TNNI3K: variants seen among roughly 807,000 people sequenced by gnomAD.
TNNI3K encodes serine/threonine-protein kinase TNNI3K.
Under a neutral mutation model 114.5 loss-of-function variants are expected in TNNI3K, and 140 were observed. The ratio of observed to expected loss-of-function variants is 1.22; its 90% CI spans 1.07 to 1.41. TNNI3K has a LOEUF of 1.41. Among genes scored for constraint, TNNI3K ranks in the 40% most tolerant of loss-of-function variants. The pLI, the probability that TNNI3K is intolerant of heterozygous loss-of-function variation, is 0.00. For synonymous variants in TNNI3K, 347 were observed against 347.5 expected (o/e 1.00, Z 0.02); for missense variants, 1,125 against 1,007.6 (o/e 1.12, Z -1.58).
chr1:74,264,578 T>G (rs1426726839), intron 4 of TNNI3K, among the ~76,000 whole-genome samples: 2 of 152,064 alleles, frequency 1.3e-5, no homozygotes, highest in Non-Finnish European at 2.9e-5. Context: ...TTTAAAAACT[T>G]TTATTTATAT....
In TNNI3K at chr1:74,345,058, T is replaced by C. The variant is rs145272765; in HGVS notation, c.932+1879T>C. On this transcript the variant is annotated intron_variant, in intron 9 of 24. Transcript: ENST00000326637. ...GTATATATGTGCATGTATGTATGCATGTATATATGTGTGTACACATGCACA... is the reference window on the plus strand; with the variant it reads ...GTATATATGTGCATGTATGTATGCACGTATATATGTGTGTACACATGCACA... Among the ~76,000 whole-genome samples the C allele has an allele frequency of 1.5e-3, 222 of 152,190 alleles. 2 individuals carry two copies. Among genetic ancestry groups the C allele is most frequent in the African/African-American group, 5.1e-3 (210 of 41,542 alleles).
intron 20 of TNNI3K, among the ~76,000 whole-genome samples, chr1:74,450,800 G>T (rs1204964234): frequency 1.3e-5 from 2 of 152,126 alleles, no homozygotes; most frequent in African/African-American, 4.8e-5. Context: ...CTGATGGTGG[G>T]TATGTAAATT....
intron 17 of TNNI3K, among the ~76,000 whole-genome samples, chr1:74,400,052 A>G (rs1243030570): frequency 6.6e-6 from 1 of 152,202 alleles, no homozygotes; most frequent in African/African-American, 2.4e-5. Context: ...CATTCTTCCA[A>G]AAACAAACCC....
intron 23 of TNNI3K, among the ~76,000 whole-genome samples, chr1:74,527,984 G>A (rs1316601440): frequency 6.6e-6 from 1 of 152,184 alleles, no homozygotes; most frequent in Non-Finnish European, 1.5e-5. Flanking sequence ...GCCCGGCCAA[G>A]GTGGTAGTGC....
chr1:74,353,271 G>A lies in TNNI3K; in HGVS notation c.938G>A (p.Cys313Tyr), dbSNP rs745838057. 4 of 1,611,348 alleles carry A rather than the reference G, an allele frequency of 2.5e-6. No individual in the cohort carries two copies. Among genetic ancestry groups the A allele is most frequent in the Non-Finnish European group, 3.4e-6 (4 of 1,179,082 alleles). ...TTTATGGTTTTTTTTTTCAGTGCTT[G>A]TACCTATGGCAAGAGCATTGACCTA... ...IFSETAFHSACTYGKSIDLVK... is the reference protein window; with the variant it reads ...IFSETAFHSAYTYGKSIDLVK... Residue 313 changes from cysteine to tyrosine, a missense_variant, in exon 10 of 25, where the codon TGT becomes TAT. By Grantham distance (194) the Cys-to-Tyr change is radical. Coordinates refer to ENST00000326637, the MANE Select transcript of TNNI3K (RefSeq NM_015978.3).
At chr1:74,366,577 G>A (rs1662284148) in intron 11 of TNNI3K, 1 of 152,060 alleles carries the variant, frequency 6.6e-6, no homozygotes, top group South Asian at 2.1e-4. Context: ...AGTAGAGAAG[G>A]CTCACCTGTT....
chr1:74,425,621 C>T (rs1430933256), intron 17 of TNNI3K, among the ~76,000 whole-genome samples: 1 of 152,046 alleles, frequency 6.6e-6, no homozygotes, highest in African/African-American at 2.4e-5. Flanking sequence ...CAATAACTCC[C>T]CTGGCATGGT....
At chr1:74,318,676 T>C (rs1659450384) in intron 5 of TNNI3K, among the ~76,000 whole-genome samples, 1 of 152,254 alleles carries the variant, frequency 6.6e-6, no homozygotes, top group Admixed American at 6.5e-5. Context: ...CTTTTTGCCT[T>C]TGTTGTGATA....
intron 11 of TNNI3K, among the ~76,000 whole-genome samples, chr1:74,365,548 C>A (rs1662225327): frequency 3.3e-5 from 5 of 152,052 alleles, no homozygotes; most frequent in Admixed American, 3.3e-4. Flanking sequence ...GTACACTTGC[C>A]TACCTCTCCA....
intron 9 of TNNI3K, among the ~76,000 whole-genome samples, chr1:74,351,626 TTTCACA>T (rs1661347679): frequency 6.6e-6 from 1 of 152,204 alleles, no homozygotes; most frequent in South Asian, 2.1e-4. Flanking sequence ...GATTTGGTCT[TTTCACA>T]TAGTCCCATA....
intron 23 of TNNI3K, among the ~76,000 whole-genome samples, chr1:74,520,660 A>G (rs1404322293): frequency 6.6e-6 from 1 of 152,022 alleles, no homozygotes; most frequent in African/African-American, 2.4e-5. Flanking sequence ...TATTAACTGT[A>G]TGGTCTGCTT....
chr1:74,481,082 A>G (rs1668478644), intron 21 of TNNI3K: 1 of 587,178 alleles, frequency 1.7e-6, no homozygotes. Flanking sequence ...CTGGGTAAAA[A>G]CAATAAACAA....
At chr1:74,274,790 A>C (rs966161210) in intron 5 of TNNI3K, among the ~76,000 whole-genome samples, 5 of 152,072 alleles carry the variant, frequency 3.3e-5, no homozygotes, top group Admixed American at 6.6e-5. Flanking sequence ...CCTACTGAAC[A>C]TCATAGCTTA....
At chr1:74,489,509 A>T (rs976593439) in intron 22 of TNNI3K, among the ~76,000 whole-genome samples, 8 of 152,254 alleles carry the variant, frequency 5.3e-5, no homozygotes, top group African/African-American at 1.7e-4. Context: ...CAGCTTAAAA[A>T]TTGATAAGTA....
intron 21 of TNNI3K, among the ~76,000 whole-genome samples, chr1:74,476,877 G>C (rs1181819118): frequency 6.6e-6 from 1 of 151,958 alleles, no homozygotes; most frequent in East Asian, 1.9e-4. Flanking sequence ...GGTCATGATT[G>C]TTTCTTTTTT....
intron 17 of TNNI3K, among the ~76,000 whole-genome samples, chr1:74,434,045 T>C (rs1439658448): frequency 2.0e-5 from 3 of 152,064 alleles, no homozygotes; most frequent in African/African-American, 4.8e-5. Context: ...CTTTCTTTTT[T>C]CTACTCTACC....
chr1:74,465,617 G>A (rs974664161), intron 21 of TNNI3K, among the ~76,000 whole-genome samples: 10 of 152,166 alleles, frequency 6.6e-5, no homozygotes, highest in Non-Finnish European at 1.3e-4. Context: ...GGGTCCCACC[G>A]ACCGCCCAAA....
intron 17 of TNNI3K, among the ~76,000 whole-genome samples, chr1:74,420,021 TG>T (rs34366072): frequency 6.6e-6 from 1 of 152,006 alleles, no homozygotes; most frequent in Admixed American, 6.6e-5. Flanking sequence ...TCAAATGGCA[TG>T]GGTGTTAGGA....
intron 5 of TNNI3K, among the ~76,000 whole-genome samples, chr1:74,292,200 G>T (rs1329878317): frequency 6.6e-6 from 1 of 150,958 alleles, no homozygotes; most frequent in Non-Finnish European, 1.5e-5. Flanking sequence ...TGGCTTTGTT[G>T]AATTTCTCTA....
Sources: gnomAD v4.1 joint callset for allele counts (sites outside exome capture counted in the v4.1 genomes callset) on GRCh38, gnomAD v4.1.1 for gene constraint, MANE v1.5 for transcripts, NCBI Gene and HGNC (gene_info 2026-07-23, HGNC 2026-07-21) for gene names.